The following FGF13 variants were observed in gnomAD, a reference collection of about 807,000 sequenced individuals.
FGF13 encodes the protein fibroblast growth factor homologous factor 2.
FGF13 carries 2 observed loss-of-function variants against 19.5 expected under a neutral mutation model. That is an observed-to-expected ratio of 0.10 (90% CI 0.04 to 0.32). The LOEUF (loss-of-function observed/expected upper bound fraction) is 0.32, where lower values mean the gene tolerates loss of function less well. Ranked by LOEUF, FGF13 falls within the 10% of genes least tolerant of loss-of-function variation. The pLI, the probability that FGF13 is intolerant of heterozygous loss-of-function variation, is 1.00. For synonymous variants in FGF13, 72 were observed against 76.9 expected (o/e 0.94, Z 0.33); for missense variants, 113 against 192.7 (o/e 0.59, Z 2.45).
intron 1 of FGF13, among the ~76,000 whole-genome samples, chrX:139,114,350 G>A (rs192634991): frequency 8.9e-6 from 1 of 112,054 alleles, no homozygotes; most frequent in African/African-American, 3.2e-5. Context: ...ACAAATAAAC[G>A]CTAGGTGTGT....
intron 1 of FGF13, among the ~76,000 whole-genome samples, chrX:139,084,541 G>A (rs1029220849): frequency 4.5e-5 from 5 of 111,534 alleles, no homozygotes; most frequent in East Asian, 2.8e-4. Flanking sequence ...CAGTGGAGCC[G>A]CGAAGCATCA....
intron 1 of FGF13, among the ~76,000 whole-genome samples, chrX:139,065,745 C>G (rs1222659814): frequency 9.0e-6 from 1 of 110,701 alleles, no homozygotes; most frequent in Non-Finnish European, 1.9e-5. Flanking sequence ...ACACCCGACT[C>G]AATATTAGAC....
intron 3 of FGF13, among the ~76,000 whole-genome samples, chrX:138,693,668 T>C (rs2089862040): frequency 8.9e-6 from 1 of 111,983 alleles, no homozygotes; most frequent in African/African-American, 3.2e-5. Context: ...GTAAACACTT[T>C]TCCAATTTTA....
intron 1 of FGF13, among the ~76,000 whole-genome samples, chrX:138,709,332 C>G (rs1429805280): frequency 8.9e-6 from 1 of 111,818 alleles, no homozygotes; most frequent in Non-Finnish European, 1.9e-5. Context: ...CGACCAAGGA[C>G]CAAAAACCCA....
At chrX:138,916,442 A>C (rs1439893899) in intron 1 of FGF13, among the ~76,000 whole-genome samples, 1 of 111,815 alleles carries the variant, frequency 8.9e-6, no homozygotes, top group East Asian at 2.8e-4. Flanking sequence ...TGATGCAAAG[A>C]AAGGGTCTGC....
intron 1 of FGF13, among the ~76,000 whole-genome samples, chrX:138,888,034 T>C (rs961260268): frequency 8.9e-5 from 10 of 112,499 alleles, no homozygotes; most frequent in African/African-American, 2.9e-4. Context: ...TGAATTATGT[T>C]ACATTTGTAT....
intron 3 of FGF13, among the ~76,000 whole-genome samples, chrX:138,682,451 GGT>G (rs370699077): frequency 3.6e-5 from 4 of 110,430 alleles, no homozygotes; most frequent in Admixed American, 9.5e-5. Flanking sequence ...ATATCAGAGG[GGT>G]GTGTGTGTGT....
intron 3 of FGF13, among the ~76,000 whole-genome samples, chrX:138,758,500 T>C (rs2090445487): frequency 9.0e-6 from 1 of 111,121 alleles, no homozygotes; most frequent in Non-Finnish European, 1.9e-5. Flanking sequence ...ATTGCAGCTC[T>C]CCACTCATCT....
At chrX:139,139,851 A>G (rs2083829359) in intron 1 of FGF13, among the ~76,000 whole-genome samples, 1 of 111,927 alleles carries the variant, frequency 8.9e-6, no homozygotes, top group Non-Finnish European at 1.9e-5. Context: ...CACAGAGGCA[A>G]GAGAGTATGG....
chrX:139,195,440 C>G (rs2084364318), intron 1 of FGF13, among the ~76,000 whole-genome samples: 2 of 112,453 alleles, frequency 1.8e-5, no homozygotes, highest in Non-Finnish European at 3.8e-5. Flanking sequence ...CTGAAAATAT[C>G]TATGGGCATA....
At chrX:139,094,402 A>C (rs939715087) in intron 1 of FGF13, among the ~76,000 whole-genome samples, 2 of 112,182 alleles carry the variant, frequency 1.8e-5, no homozygotes, top group African/African-American at 6.5e-5. Context: ...AACTAGAGCT[A>C]ATGGAGCTAC....
intron 3 of FGF13, among the ~76,000 whole-genome samples, chrX:138,786,730 G>A: frequency 8.9e-6 from 1 of 111,865 alleles, no homozygotes; most frequent in Non-Finnish European, 1.9e-5. Context: ...TCGACTTCAG[G>A]TCCCATGTAG....
chrX:139,048,026 G>T (rs2092293179), intron 1 of FGF13, among the ~76,000 whole-genome samples: 1 of 108,948 alleles, frequency 9.2e-6, no homozygotes, highest in South Asian at 3.9e-4. Flanking sequence ...AATCTGTAGA[G>T]ATTTTTTTTC....
chrX:138,942,365 T>C (rs1286231987), intron 1 of FGF13, among the ~76,000 whole-genome samples: 2 of 111,978 alleles, frequency 1.8e-5, no homozygotes, highest in African/African-American at 6.5e-5. Flanking sequence ...TTAGGAAAGA[T>C]GCCCTCCAAA....
intron 3 of FGF13, among the ~76,000 whole-genome samples, chrX:138,845,762 A>G (rs748806090): frequency 1.8e-5 from 2 of 111,967 alleles, no homozygotes; most frequent in African/African-American, 3.2e-5. Flanking sequence ...ATGTATGCCA[A>G]TTAGAGATTT....
chrX:138,881,460 T>C (rs1287158648), intron 1 of FGF13, among the ~76,000 whole-genome samples: 1 of 112,036 alleles, frequency 8.9e-6, no homozygotes, highest in Non-Finnish European at 1.9e-5. Context: ...CTCTTCTATG[T>C]TATGGAAGTG....
At chrX:138,965,770 C>T (rs180995185) in intron 1 of FGF13, among the ~76,000 whole-genome samples, 1 of 111,948 alleles carries the variant, frequency 8.9e-6, no homozygotes, top group South Asian at 3.8e-4. Context: ...GTGGCCTGTG[C>T]GACTACACAG....
At chrX:139,010,831 CAA>C (rs34458790) in intron 1 of FGF13, among the ~76,000 whole-genome samples, 2 of 100,967 alleles carry the variant, frequency 2.0e-5, no homozygotes, top group Admixed American at 1.1e-4. Flanking sequence ...GAAATTGAAA[CAA>C]AAAAAAAATA....
chrX:138,813,587 CA>C (rs1184926632), intron 3 of FGF13, among the ~76,000 whole-genome samples: 1 of 112,022 alleles, frequency 8.9e-6, no homozygotes, highest in African/African-American at 3.2e-5. Flanking sequence ...ACCATTTTAA[CA>C]GTTGCTACAG....
Sources: allele counts gnomAD v4.1 joint callset (sites outside exome capture counted in the v4.1 genomes callset), GRCh38; gene constraint gnomAD v4.1.1; transcripts MANE v1.5; gene names NCBI Gene and HGNC (gene_info 2026-07-23, HGNC 2026-07-21).